The following CSMD1 variants were observed in gnomAD, a reference collection of about 807,000 sequenced individuals.
CSMD1 encodes CUB and sushi domain-containing protein 1.
A neutral mutation model predicts 417.5 loss-of-function variants in CSMD1; 213 were observed. The ratio of observed to expected loss-of-function variants is 0.51; its 90% CI spans 0.46 to 0.57. The LOEUF is 0.57. Ranked by LOEUF, CSMD1 falls within the 20% of genes least tolerant of loss-of-function variation. CSMD1 has a pLI of 0.00. For synonymous variants in CSMD1, 2,862 were observed against 1,736.8 expected, an observed-to-expected ratio of 1.65 and a Z score of -16.11; for missense variants, 6,923 against 4,529.7, an observed-to-expected ratio of 1.53 and a Z score of -15.17.
intron 1 of CSMD1, among the ~76,000 whole-genome samples, chr8:4,833,074 A>T (rs1247789509): frequency 2.0e-5 from 3 of 152,188 alleles, no homozygotes; most frequent in Non-Finnish European, 4.4e-5. Flanking sequence ...ACCACTTGCC[A>T]ATTCTAACTT....
chr8:3,915,711 G>C (rs1190720848), intron 5 of CSMD1, among the ~76,000 whole-genome samples: 2 of 150,690 alleles, frequency 1.3e-5, no homozygotes, highest in Non-Finnish European at 2.9e-5. Flanking sequence ...TAATTTATTG[G>C]TTGAATGTTA....
intron 2 of CSMD1, among the ~76,000 whole-genome samples, chr8:4,444,860 C>A (rs1386886517): frequency 2.0e-5 from 3 of 152,210 alleles, no homozygotes; most frequent in Non-Finnish European, 2.9e-5. Context: ...CAGAGGACTC[C>A]TGCTGCAGCC....
chr8:4,075,869 C>A (rs770362794), intron 3 of CSMD1, among the ~76,000 whole-genome samples: 1 of 152,140 alleles, frequency 6.6e-6, no homozygotes. Context: ...CAGTTCATAT[C>A]TGTTCTAGCC....
At chr8:4,185,936 A>T (rs906851217) in intron 3 of CSMD1, among the ~76,000 whole-genome samples, 1 of 152,044 alleles carries the variant, frequency 6.6e-6, no homozygotes, top group South Asian at 2.1e-4. Context: ...TCCCTGCAAT[A>T]CTTTCAGCTT....
intron 3 of CSMD1, among the ~76,000 whole-genome samples, chr8:4,270,205 T>C (rs1228969065): frequency 1.3e-5 from 2 of 152,188 alleles, no homozygotes; most frequent in Admixed American, 6.5e-5. Flanking sequence ...GCCGCGTGTT[T>C]CCTACGGTGC....
At chr8:3,869,562 C>T (rs1362045579) in intron 5 of CSMD1, among the ~76,000 whole-genome samples, 1 of 152,128 alleles carries the variant, frequency 6.6e-6, no homozygotes, top group African/African-American at 2.4e-5. Context: ...ACTTGGTTCA[C>T]AGGTAGATAT....
chr8:4,166,357 G>C (rs1417715811), intron 3 of CSMD1, among the ~76,000 whole-genome samples: 1 of 152,076 alleles, frequency 6.6e-6, no homozygotes, highest in African/African-American at 2.4e-5. Context: ...TACACCTACA[G>C]CACATGTTAT....
intron 1 of CSMD1, among the ~76,000 whole-genome samples, chr8:4,986,062 C>G (rs1811165246): frequency 1.3e-5 from 2 of 152,180 alleles, no homozygotes; most frequent in Admixed American, 1.3e-4. Context: ...TCAAAGTACA[C>G]TACTTTCCTA....
chr8:4,948,626 A>G (rs927698363), intron 1 of CSMD1, among the ~76,000 whole-genome samples: 2 of 152,128 alleles, frequency 1.3e-5, no homozygotes, highest in African/African-American at 4.8e-5. Context: ...TTATAAAATT[A>G]TCACTGAAAT....
chr8:4,280,869 G>A (rs572949824), intron 3 of CSMD1, among the ~76,000 whole-genome samples: 2 of 152,136 alleles, frequency 1.3e-5, no homozygotes, highest in South Asian at 4.1e-4. Context: ...TAAACATACA[G>A]CATTAGAAAT....
intron 5 of CSMD1, among the ~76,000 whole-genome samples, chr8:3,926,102 CA>C (rs1353902217): frequency 5.8e-5 from 3 of 52,092 alleles, no homozygotes; most frequent in African/African-American, 1.8e-4. Context: ...CACACACACA[CA>C]CACACACACA....
intron 41 of CSMD1, among the ~76,000 whole-genome samples, chr8:3,139,923 G>C (rs1446811638): frequency 4.2e-5 from 4 of 94,144 alleles, no homozygotes; most frequent in African/African-American, 1.5e-4. Context: ...TTTTTTTTTA[G>C]ATGGAGTCTC....
At chr8:4,862,446 G>A in intron 1 of CSMD1, among the ~76,000 whole-genome samples, 1 of 152,082 alleles carries the variant, frequency 6.6e-6, no homozygotes, top group Non-Finnish European at 1.5e-5. Context: ...GTAGAGGCAT[G>A]TGTGACTACA....
chr8:3,618,819 G>C (rs1802274595), intron 7 of CSMD1, among the ~76,000 whole-genome samples: 1 of 152,162 alleles, frequency 6.6e-6, no homozygotes, highest in Admixed American at 6.6e-5. Context: ...ACCATGACTT[G>C]CGTGGCACAG....
At chr8:2,976,661 A>T (rs1224628898) in intron 55 of CSMD1, among the ~76,000 whole-genome samples, 2 of 152,166 alleles carry the variant, frequency 1.3e-5, no homozygotes, top group Non-Finnish European at 2.9e-5. Flanking sequence ...CACTTTCTTT[A>T]TGGATGTAAA....
intron 2 of CSMD1, among the ~76,000 whole-genome samples, chr8:4,459,273 C>G (rs932641535): frequency 6.6e-6 from 1 of 152,214 alleles, no homozygotes; most frequent in East Asian, 1.9e-4. Context: ...TGCTGCAGTT[C>G]CTGTCACTTG....
chr8:4,147,825 A>C (rs1045826062), intron 3 of CSMD1, among the ~76,000 whole-genome samples: 4 of 152,102 alleles, frequency 2.6e-5, no homozygotes, highest in African/African-American at 9.7e-5. Context: ...AGGAAGACAC[A>C]TCATCAGAAA....
chr8:4,449,372 T>G (rs1257651106), intron 2 of CSMD1, among the ~76,000 whole-genome samples: 6 of 152,270 alleles, frequency 3.9e-5, no homozygotes, highest in African/African-American at 1.4e-4. Flanking sequence ...CCAGAATGAT[T>G]CTGGTGTATA....
intron 12 of CSMD1, among the ~76,000 whole-genome samples, chr8:3,465,117 T>C (rs2117171531): frequency 6.6e-6 from 1 of 152,244 alleles, no homozygotes; most frequent in Non-Finnish European, 1.5e-5. Context: ...TTTCTGTGAA[T>C]TGTTCTTCTG....
Sources: allele counts gnomAD v4.1 joint callset (sites outside exome capture counted in the v4.1 genomes callset), GRCh38; gene constraint gnomAD v4.1.1; transcripts MANE v1.5; gene names NCBI Gene and HGNC (gene_info 2026-07-23, HGNC 2026-07-21).